NAV1: variants seen among roughly 807,000 people sequenced by gnomAD.
NAV1 encodes pore membrane and/or filament interacting like protein 3.
Under a neutral mutation model 175.2 loss-of-function variants are expected in NAV1, and 18 were observed. The ratio of observed to expected loss-of-function variants is 0.10; its 90% CI spans 0.07 to 0.15. The LOEUF (loss-of-function observed/expected upper bound fraction) is 0.15, where lower values mean the gene tolerates loss of function less well. Among genes scored for constraint, NAV1 ranks in the 10% least tolerant of loss-of-function variants. The pLI, the probability that NAV1 is intolerant of heterozygous loss-of-function variation, is 1.00. For synonymous variants in NAV1, 897 were observed against 978.7 expected, an observed-to-expected ratio of 0.92 and a Z score of 1.56; for missense variants, 1,731 against 2,436.6, an observed-to-expected ratio of 0.71 and a Z score of 6.10.
chr1:201,592,117 G>T (rs553492076), intron 2 of NAV1, among the ~76,000 whole-genome samples: 30 of 152,266 alleles, frequency 2.0e-4, no homozygotes, highest in African/African-American at 7.0e-4. Context: ...GGGCTTCTGT[G>T]GTGTGGGAAG....
At chr1:201,662,861 C>T (rs547390909) in intron 1 of NAV1, among the ~76,000 whole-genome samples, 1 of 146,320 alleles carries the variant, frequency 6.8e-6, no homozygotes, top group East Asian at 2.0e-4. Context: ...GATACTTTAG[C>T]TTAGACTCTT....
At chr1:201,660,242 A>G (rs1669558649) in intron 1 of NAV1, among the ~76,000 whole-genome samples, 1 of 152,216 alleles carries the variant, frequency 6.6e-6, no homozygotes, top group Admixed American at 6.5e-5. Context: ...TCCCACTGCC[A>G]CAGTGGATGG....
intron 29 of NAV1, among the ~76,000 whole-genome samples, chr1:201,818,417 A>G (rs564620363): frequency 7.9e-5 from 12 of 152,058 alleles, no homozygotes; most frequent in African/African-American, 2.9e-4. Flanking sequence ...AGTCCCAGCT[A>G]CTTGGGAGGC....
Position 201,810,126 on chromosome 1 carries a change from G to C in NAV1, c.4561+21G>C, listed in dbSNP as rs748476000. The C allele has an allele frequency of 6.2e-7, 1 of 1,611,502 alleles. No individual in the cohort carries two copies. Among genetic ancestry groups the C allele is most frequent in the South Asian group, 1.1e-5 (1 of 90,978 alleles). ...CAAAGGTCAGTCTTTGTCTCTTGGG[G>C]TGAGGTGGTGTGGCATGAAGGCAGG... On this transcript the variant is annotated intron_variant, in intron 23 of 29. Coordinates refer to ENST00000367296, the Ensembl canonical transcript of NAV1. The surrounding 1 kb of genome is among the most constrained non-coding windows in gnomAD (Gnocchi z 6.0).
chr1:201,595,322 G>T (rs372479947), intron 2 of NAV1, among the ~76,000 whole-genome samples: 3 of 152,274 alleles, frequency 2.0e-5, no homozygotes, highest in African/African-American at 7.2e-5. Flanking sequence ...CTCATGCTTA[G>T]AACTGAAGAC....
chr1:201,738,536 G>A (rs1403382066), intron 3 of NAV1, among the ~76,000 whole-genome samples: 1 of 152,132 alleles, frequency 6.6e-6, no homozygotes, highest in Admixed American at 6.5e-5. Flanking sequence ...GAAAATAGTA[G>A]GGGCAGCCTG....
chr1:201,726,326 A>T (rs74231056), intron 3 of NAV1, among the ~76,000 whole-genome samples: 1,683 of 152,344 alleles, frequency 0.011, 56 homozygotes, highest in East Asian at 0.11. Context: ...TGCTTTGAAA[A>T]GTATAAAGAG....
At chr1:201,622,507 GGGAGGAGCTGTGAGAA>G (rs1447099205), upstream of NAV1, among the ~76,000 whole-genome samples, 1 of 152,164 alleles carries the variant, frequency 6.6e-6, no homozygotes, top group East Asian at 1.9e-4. Context: ...AGGCCTGAGG[GGGAGGAGCTGTGAGAA>G]GGAGAGTCTG....
intron 1 of NAV1, among the ~76,000 whole-genome samples, chr1:201,710,179 A>C (rs1221540891): frequency 6.7e-6 from 1 of 149,260 alleles, no homozygotes; most frequent in African/African-American, 2.5e-5. Context: ...AAAAAAAAAG[A>C]CATTTTCCTA....
At position 201,563,756 on chromosome 1, in the gene NAV1, G is replaced by A. The variant is rs748354912; in HGVS notation, c.-144+24414G>A. Among the ~76,000 whole-genome samples, 11 of 152,292 alleles carry A rather than the reference G, an allele frequency of 7.2e-5. 1 individual carries two copies. The East Asian group carries it at 7.7e-4, about 11-fold the overall frequency. On this transcript the variant is annotated intron_variant, in intron 1 of 33. Coordinates refer to the NAV1 transcript ENST00000685211. ...AATGCTGTGGCCCTGACAAGCAGAA[G>A]CTTTGCAGGCAGGCAGATCTGGTTG...
At chr1:201,554,172 G>A (rs963314860) in intron 1 of NAV1, among the ~76,000 whole-genome samples, 43 of 152,318 alleles carry the variant, frequency 2.8e-4, no homozygotes, top group East Asian at 1.9e-3. Flanking sequence ...AAGACAGAAT[G>A]TTATTCTTTA....
chr1:201,575,274 C>T (rs895934737), intron 1 of NAV1, among the ~76,000 whole-genome samples: 39 of 152,134 alleles, frequency 2.6e-4, no homozygotes, highest in African/African-American at 9.2e-4. Flanking sequence ...TCCTGGTGGA[C>T]CCCCCAACCT....
In NAV1 at chr1:201,740,521, C is replaced by T. The variant is rs966680683; in HGVS notation, c.1226+21766C>T. On this transcript the variant is annotated intron_variant, in intron 3 of 29. Coordinates refer to ENST00000367296, the Ensembl canonical transcript of NAV1. The surrounding 1 kb of genome is among the most constrained non-coding windows in gnomAD (Gnocchi z 4.7). ...GGAGGAGGGGCTTGCAGCCCCAGGT[C>T]GGCCCTGCCAAGGTCACCCTAGTTC... 3.3e-5 allele frequency among the ~76,000 whole-genome samples: 5 copies of T among 152,096 alleles called. No individual in the cohort carries two copies. In the East Asian group the frequency reaches 9.7e-4, roughly 29 times the overall value.
intron 1 of NAV1, among the ~76,000 whole-genome samples, chr1:201,546,346 C>G (rs554380894): frequency 6.6e-6 from 1 of 152,224 alleles, no homozygotes; most frequent in Non-Finnish European, 1.5e-5. Context: ...TTACCCCTAC[C>G]TCACTGGGTG....
At chr1:201,647,825 C>T (rs1316451775), upstream of NAV1, among the ~76,000 whole-genome samples, 6 of 152,056 alleles carry the variant, frequency 3.9e-5, no homozygotes, top group Non-Finnish European at 7.4e-5. Context: ...GCCCACGGGC[C>T]CACTTTCCCT....
intron 1 of NAV1, among the ~76,000 whole-genome samples, chr1:201,704,311 G>A (rs979035991): frequency 6.6e-6 from 1 of 152,214 alleles, no homozygotes; most frequent in East Asian, 1.9e-4. Flanking sequence ...GAGCCTGAGC[G>A]AGACGCTGTC....
At chr1:201,712,635 A>G (rs1671956719) in intron 1 of NAV1, among the ~76,000 whole-genome samples, 182 bp from the exon 6 acceptor site, 1 of 152,184 alleles carries the variant, frequency 6.6e-6, no homozygotes, top group Non-Finnish European at 1.5e-5. Flanking sequence ...TCAATGGCAC[A>G]TGTCCAGGGC....
At chr1:201,666,606 C>T (rs1282328190) in intron 1 of NAV1, among the ~76,000 whole-genome samples, 1 of 152,198 alleles carries the variant, frequency 6.6e-6, no homozygotes, top group Non-Finnish European at 1.5e-5. Flanking sequence ...CCAGGGCCAT[C>T]TCCCTCCATG....
chr1:201,785,788 CTTTTT>C (rs34841837), intron 8 of NAV1, among the ~76,000 whole-genome samples: 6 of 99,544 alleles, frequency 6.0e-5, no homozygotes, highest in Admixed American at 1.3e-4. Flanking sequence ...ACTATTGCAA[CTTTTT>C]TTTTTTTTTT....
Sources: gnomAD v4.1 joint callset for allele counts (sites outside exome capture counted in the v4.1 genomes callset) on GRCh38, gnomAD v4.1.1 for gene constraint, Gnocchi (gnomAD v3.1) non-coding constraint, MANE v1.5 for transcripts, NCBI Gene and HGNC (gene_info 2026-07-23, HGNC 2026-07-21) for gene names.